The following ABCG1 variants were observed in gnomAD, a reference collection of about 807,000 sequenced individuals.
The protein encoded by ABCG1 is ATP binding cassette subfamily G member 1.
Under a neutral mutation model 69.2 loss-of-function variants are expected in ABCG1, and 29 were observed. The ratio of observed to expected loss-of-function variants is 0.42; its 90% confidence interval spans 0.31 to 0.57. The LOEUF is 0.57. Ranked by LOEUF, ABCG1 falls within the 20% of genes least tolerant of loss-of-function variation. The probability of loss-of-function intolerance (pLI) is 0.15; values close to 1 mark genes in which losing one functional copy is unlikely to be tolerated. For synonymous variants in ABCG1, 370 were observed against 374.8 expected, an observed-to-expected ratio of 0.99 and a Z score of 0.15; for missense variants, 718 against 898.1, an observed-to-expected ratio of 0.80 and a Z score of 2.56.
At chr21:42,207,674 C>T (rs1208600948) in intron 2 of ABCG1, among the ~76,000 whole-genome samples, 1 of 152,232 alleles carries the variant, frequency 6.6e-6, no homozygotes, top group Non-Finnish European at 1.5e-5. Flanking sequence ...GGGTAGAAGT[C>T]CAGGTTCCCT....
At chr21:42,214,742 C>A (rs1415695230), upstream of ABCG1, among the ~76,000 whole-genome samples, 1 of 152,204 alleles carries the variant, frequency 6.6e-6, no homozygotes, top group Non-Finnish European at 1.5e-5. Context: ...TCTTCAGAGT[C>A]AGAGATCTGG....
chr21:42,201,717 C>A lies in ABCG1; in HGVS notation c.42C>A (p.Cys14Ter). The A allele has an allele frequency of 1.2e-6, 2 of 1,613,962 alleles. No homozygotes were observed. The highest frequency in any genetic ancestry group is 1.7e-6 in the Non-Finnish European group (2 of 1,179,890). Residue 14 changes from cysteine to a stop codon, truncating the protein, a stop_gained, in exon 2 of 16, where the codon TGC becomes TGA. Coordinates refer to the ABCG1 transcript ENST00000398457. LOFTEE classifies it high-confidence loss of function. ...GGTGGACAAAACAGAGAAAGCCCTG[C>A]CCTCAGGTGTGGTCAGAAGAGACAG...
At chr21:42,244,980 C>A (rs1181223604) in intron 2 of ABCG1, among the ~76,000 whole-genome samples, 1 of 152,266 alleles carries the variant, frequency 6.6e-6, no homozygotes, top group Non-Finnish European at 1.5e-5. Context: ...CCACCACCCT[C>A]TGAGAACGAC....
In ABCG1 at chr21:42,290,168, T is replaced by A; in HGVS notation, c.1343T>A (p.Phe448Tyr). 6.2e-7 allele frequency: 1 copy of A among 1,614,152 alleles called. No homozygotes were observed. Among genetic ancestry groups the A allele is most frequent in the Non-Finnish European group, 8.5e-7 (1 of 1,180,036 alleles). Residue 448 changes from phenylalanine (F) to tyrosine (Y), a missense_variant, in exon 11 of 15, where the codon TTC (phenylalanine) becomes TAC (tyrosine). By Grantham distance (22) the Phe-to-Tyr change is conservative. This residue lies in a region of ABCG1 where 204 missense variants were observed against 323.8 expected (regional missense o/e 0.63). Coordinates refer to ENST00000398449, the MANE Select transcript of ABCG1 (RefSeq NM_016818.3). ...KVLSNSGFLF[F>Y]SMLFLMFAAL... ...TTGAGCAACTCCGGCTTCCTCTTCT[T>A]CTCCATGCTGTTCCTCATGTTCGCG...
chr21:42,219,967 C>A lies in ABCG1; in HGVS notation c.42+663C>A. The A allele has an allele frequency of 3.9e-6, 6 of 1,552,158 alleles. No homozygotes were observed. Among genetic ancestry groups the A allele is most frequent in the Non-Finnish European group, 4.4e-6 (5 of 1,147,242 alleles). On this transcript the variant is annotated intron_variant, in intron 1 of 14. Coordinates refer to ENST00000398449, the MANE Select transcript of ABCG1 (RefSeq NM_016818.3). The surrounding 1 kb of genome is among the most constrained non-coding windows in gnomAD (Gnocchi z 5.3). ...GCCGGAGAGAGAGACGCGGTGGGGA[C>A]AGGGATGCGCATTTCACTTCCCCGA...
In ABCG1 at chr21:42,287,982, A is replaced by T. The variant is rs748609747; in HGVS notation, c.1067A>T (p.Asp356Val). 1 of 1,613,332 alleles carries T rather than the reference A, an allele frequency of 6.2e-7. No homozygotes were observed. The highest frequency in any genetic ancestry group is 8.5e-7 in the Non-Finnish European group (1 of 1,179,620). ...ATGTGTGACTCAGACCACAAGAGAGACCTCGGGGGTGATGCCGAGGTGAAC... is the reference window on the plus strand; with the variant it reads ...ATGTGTGACTCAGACCACAAGAGAGTCCTCGGGGGTGATGCCGAGGTGAAC... ...EGMCDSDHKR[D>V]LGGDAEVNPF... The change falls in exon 9 of 15, where the codon GAC becomes GTC. Residue 356 changes from aspartate (D) to valine (V), a missense_variant. Asp to Val is a radical substitution (Grantham distance 152, BLOSUM62 -3). Transcript: ENST00000398449. The surrounding 1 kb of genome is among the most constrained non-coding windows in gnomAD (Gnocchi z 6.2).
At chr21:42,238,652 C>T (rs563462197) in intron 2 of ABCG1, among the ~76,000 whole-genome samples, 100 of 152,318 alleles carry the variant, frequency 6.6e-4, no homozygotes, top group African/African-American at 2.3e-3. Context: ...ACCATTCAAA[C>T]AAAGCTTGGC....
At chr21:42,222,244 G>A (rs1320990285) in intron 1 of ABCG1, among the ~76,000 whole-genome samples, 1 of 152,178 alleles carries the variant, frequency 6.6e-6, no homozygotes, top group African/African-American at 2.4e-5. Context: ...CTACATTGCC[G>A]GCAGCTCTCA....
In ABCG1 at chr21:42,291,111, C is replaced by T. The variant is rs753651174; in HGVS notation, c.1413C>T (p.Val471=). ...TVLTFPLEMG[V]FLREHLNYWY... ...TCCTAGTTCCCCTGGAGATGGGAGT[C>T]TTTCTTCGGGAACACCTGAACTACT... The change falls in exon 12 of 15, where the codon GTC becomes GTT. Residue 471 remains valine (V), a synonymous_variant. Coordinates refer to ENST00000398449, the MANE Select transcript of ABCG1 (RefSeq NM_016818.3). This position sits in a 1 kb window ranked among gnomAD's most constrained non-coding sequence, Gnocchi z 6.4. The T allele has an allele frequency of 6.2e-7, 1 of 1,614,126 alleles. No individual in the cohort carries two copies. The highest frequency in any genetic ancestry group is 1.1e-5 in the South Asian group (1 of 91,080).
chr21:42,284,633 A>T lies in ABCG1; in HGVS notation c.808A>T (p.Ile270Phe). The T allele has an allele frequency of 6.2e-7, 1 of 1,613,946 alleles. No individual in the cohort carries two copies. Among genetic ancestry groups the T allele is most frequent in the Non-Finnish European group, 8.5e-7 (1 of 1,180,016 alleles). Reference sequence around the variant, plus strand: ...GCTCGCTCAAGGGGGTCGCTCCATCATTTGCACCATCCACCAGCCCAGCGC... The same window carrying T: ...GCTCGCTCAAGGGGGTCGCTCCATCTTTTGCACCATCCACCAGCCCAGCGC... ...KGLAQGGRSI[I>F]CTIHQPSAKL... The change falls in exon 7 of 15, where the codon ATT (isoleucine) becomes TTT (phenylalanine). Residue 270 changes from isoleucine (I) to phenylalanine (F), a missense_variant. Ile to Phe is a conservative substitution (Grantham distance 21). This residue lies in a region of ABCG1 where 514 missense variants were observed against 574.3 expected (regional missense o/e 0.90). Coordinates refer to ENST00000398449, the MANE Select transcript of ABCG1 (RefSeq NM_016818.3).
At chr21:42,243,445 C>CGTGT (rs1332190376) in intron 2 of ABCG1, among the ~76,000 whole-genome samples, 1,146 of 79,694 alleles carry the variant, frequency 0.014, 6 homozygotes, top group Middle Eastern at 0.069. Flanking sequence ...CGTGTGTGTG[C>CGTGT]GCGTGTGTGT....
At chr21:42,248,677 C>T (rs750519683) in intron 2 of ABCG1, among the ~76,000 whole-genome samples, 1 of 151,792 alleles carries the variant, frequency 6.6e-6, no homozygotes, top group African/African-American at 2.4e-5. Flanking sequence ...TGTTTGAGCC[C>T]AGGAGTTCGA....
intron 2 of ABCG1, among the ~76,000 whole-genome samples, chr21:42,247,472 G>A (rs377660993): frequency 6.6e-6 from 1 of 151,544 alleles, no homozygotes; most frequent in South Asian, 2.1e-4. Context: ...CTGAGCAGGT[G>A]TGGTGTTTAG....
chr21:42,285,891 G>T lies in ABCG1; in HGVS notation c.870G>T (p.Leu290=), dbSNP rs764590339. ...LFELFDQLYV[L]SQGQCVYRGK... ...TTCCTTTTTTCCAGCTTTACGTCCT[G>T]AGTCAAGGACAATGTGTGTACCGGG... Residue 290 remains leucine, a synonymous_variant, in exon 8 of 15, where the codon CTG becomes CTT. Coordinates refer to ENST00000398449, the MANE Select transcript of ABCG1 (RefSeq NM_016818.3). 6 of 1,613,124 alleles carry T rather than the reference G, an allele frequency of 3.7e-6. No individual in the cohort carries two copies. The Admixed American group carries it at 8.3e-5, about 22-fold the overall frequency.
chr21:42,233,277 T>C (rs2067927317), intron 2 of ABCG1, among the ~76,000 whole-genome samples: 1 of 152,152 alleles, frequency 6.6e-6, no homozygotes, highest in Non-Finnish European at 1.5e-5. Context: ...AGGGCTGTGA[T>C]TACATCCAGC....
chr21:42,246,034 G>A (rs1019138235), intron 2 of ABCG1, among the ~76,000 whole-genome samples: 4 of 152,182 alleles, frequency 2.6e-5, no homozygotes, highest in African/African-American at 9.7e-5. Flanking sequence ...CGGGGGACAT[G>A]GTGAGGGAGG....
In ABCG1 at chr21:42,205,695, A is replaced by G. The variant is rs139507033; in HGVS notation, c.48+3972A>G. On this transcript the variant is annotated intron_variant, in intron 2 of 15. Coordinates refer to the ABCG1 transcript ENST00000398457. ...TTTCTCTACTGGCTTTCTCTTTTCA[A>G]TTACATTGATTTCTGTGATTATTTG... is the stretch of plus-strand genomic sequence containing the variant. Among the ~76,000 whole-genome samples, 1,226 of 151,302 alleles carry G rather than the reference A, an allele frequency of 8.1e-3. 24 individuals are homozygous for G. Among genetic ancestry groups the G allele is most frequent in the African/African-American group, 0.028 (1,162 of 41,410 alleles).
At chr21:42,260,932 C>T (rs2068398370) in intron 2 of ABCG1, among the ~76,000 whole-genome samples, 1 of 152,198 alleles carries the variant, frequency 6.6e-6, no homozygotes, top group Non-Finnish European at 1.5e-5. Flanking sequence ...AGCGATTCTC[C>T]TGCCTCAGCC....
chr21:42,294,663 A>G lies in ABCG1; in HGVS notation c.1772+3A>G. ...ATGTCCTACATCTCCTATGTCAGGT[A>G]GCGGGCGTGGGGCACGCATGGCGTG... On this transcript the variant is annotated splice_donor_region_variant and intron_variant, in intron 14 of 14. Transcript: ENST00000398449. The G allele has an allele frequency of 6.2e-7, 1 of 1,612,990 alleles. No homozygotes were observed. Among genetic ancestry groups the G allele is most frequent in the South Asian group, 1.1e-5 (1 of 91,070 alleles).
Sources: allele counts gnomAD v4.1 joint callset (sites outside exome capture counted in the v4.1 genomes callset), GRCh38; gene constraint gnomAD v4.1.1; regional missense constraint gnomAD v4.1.1; non-coding constraint Gnocchi (gnomAD v3.1); transcripts MANE v1.5; gene names NCBI Gene and HGNC (gene_info 2026-07-23, HGNC 2026-07-21).